Variants in DAB1 observed in about 807,000 individuals in gnomAD.
The protein encoded by DAB1 is disabled homolog 1.
Under a neutral mutation model 64.6 loss-of-function variants are expected in DAB1, and 15 were observed. That is an observed-to-expected ratio of 0.23 (90% CI 0.16 to 0.36). The LOEUF (loss-of-function observed/expected upper bound fraction) is 0.36, where lower values mean the gene tolerates loss of function less well. Ranked by LOEUF, DAB1 falls within the 10% of genes least tolerant of loss-of-function variation. DAB1 has a pLI of 1.00. For synonymous variants in DAB1, 235 were observed against 251.9 expected, an observed-to-expected ratio of 0.93 and a Z score of 0.64; for missense variants, 596 against 706.7, an observed-to-expected ratio of 0.84 and a Z score of 1.78.
At chr1:57,326,098 C>A (rs987762326) in intron 1 of DAB1, among the ~76,000 whole-genome samples, 11 of 152,224 alleles carry the variant, frequency 7.2e-5, no homozygotes, top group Non-Finnish European at 1.5e-5. Flanking sequence ...GTACTCCCTG[C>A]CCTCAAGGAG....
At chr1:58,232,087 C>T (rs1391545809) in intron 4 of DAB1, among the ~76,000 whole-genome samples, 3 of 152,190 alleles carry the variant, frequency 2.0e-5, no homozygotes, top group Admixed American at 6.5e-5. Context: ...CAGTCACTCA[C>T]GGCTTCTGAC....
intron 4 of DAB1, among the ~76,000 whole-genome samples, chr1:58,242,698 G>A (rs1660352162): frequency 6.6e-6 from 1 of 152,048 alleles, no homozygotes; most frequent in South Asian, 2.1e-4. Context: ...GGTCATTATT[G>A]AGTGAAGTCA....
intron 5 of DAB1, among the ~76,000 whole-genome samples, chr1:57,976,035 G>C (rs1645911405): frequency 6.6e-6 from 1 of 152,202 alleles, no homozygotes; most frequent in South Asian, 2.1e-4. Context: ...GGGCAAGTTG[G>C]TGCAAGGCAC....
intron 4 of DAB1, among the ~76,000 whole-genome samples, chr1:58,163,289 C>A (rs564331908): frequency 6.0e-4 from 92 of 152,198 alleles, no homozygotes; most frequent in African/African-American, 2.1e-3. Flanking sequence ...ATTGCAGGTC[C>A]GGTTCTCAGA....
intron 5 of DAB1, among the ~76,000 whole-genome samples, chr1:57,955,933 T>C (rs933735988): frequency 1.3e-5 from 2 of 152,108 alleles, no homozygotes; most frequent in Non-Finnish European, 2.9e-5. Context: ...GTTTGGTGGG[T>C]AGTAAAATGC....
intron 7 of DAB1, among the ~76,000 whole-genome samples, chr1:57,492,939 G>A (rs1428182674): frequency 6.6e-6 from 1 of 152,068 alleles, no homozygotes; most frequent in Non-Finnish European, 1.5e-5. Context: ...GGCATCTGCA[G>A]CACATTGTTC....
At chr1:57,940,058 A>G (rs1341849724) in intron 5 of DAB1, among the ~76,000 whole-genome samples, 1 of 152,252 alleles carries the variant, frequency 6.6e-6, no homozygotes, top group Non-Finnish European at 1.5e-5. Context: ...TGATAAGCAC[A>G]AATACTGAAA....
chr1:58,228,701 GC>G (rs1423994054), intron 4 of DAB1: 6 of 1,140,910 alleles, frequency 5.3e-6, no homozygotes, highest in African/African-American at 1.6e-5. Flanking sequence ...TCTTAGCCTT[GC>G]CCTGGGGTTC....
At chr1:57,422,148 TTTAATTTAATTGA>T (rs1237704716) in intron 1 of DAB1, among the ~76,000 whole-genome samples, 1 of 152,226 alleles carries the variant, frequency 6.6e-6, no homozygotes, top group Non-Finnish European at 1.5e-5. Context: ...GTAAGCCACC[TTTAATTTAATTGA>T]TATGATTACT....
At chr1:58,397,978 C>T (rs338922) in intron 3 of DAB1, among the ~76,000 whole-genome samples, 78,175 of 151,966 alleles carry the variant, frequency 0.51, 21,250 homozygotes, top group African/African-American at 0.7. Context: ...GAAGCCATTC[C>T]CTGTCTTCAT....
At chr1:58,003,027 T>C (rs1271573781) in intron 5 of DAB1, among the ~76,000 whole-genome samples, 1 of 152,168 alleles carries the variant, frequency 6.6e-6, no homozygotes, top group Non-Finnish European at 1.5e-5. Context: ...AATATGAATA[T>C]CATTAATAAA....
At chr1:57,545,823 C>G (rs1483863836) in intron 7 of DAB1, among the ~76,000 whole-genome samples, 1 of 152,192 alleles carries the variant, frequency 6.6e-6, no homozygotes, top group Non-Finnish European at 1.5e-5. Flanking sequence ...AAGACAGGTG[C>G]TCCACTTTTG....
chr1:57,725,758 C>CT (rs35572928), intron 6 of DAB1, among the ~76,000 whole-genome samples: 6,293 of 146,710 alleles, frequency 0.043, 312 homozygotes, highest in African/African-American at 0.12. Context: ...CTTTTCTTTT[C>CT]TTTTTTTTTT....
At chr1:57,893,181 G>C (rs939788383) in intron 5 of DAB1, among the ~76,000 whole-genome samples, 5 of 152,046 alleles carry the variant, frequency 3.3e-5, no homozygotes, top group African/African-American at 1.2e-4. Flanking sequence ...GTGCTCAAGA[G>C]AATATTATAT....
At chr1:57,946,618 A>G (rs1645187766) in intron 5 of DAB1, among the ~76,000 whole-genome samples, 1 of 152,148 alleles carries the variant, frequency 6.6e-6, no homozygotes, top group Non-Finnish European at 1.5e-5. Context: ...GCGGTCTGAT[A>G]TATATATTCC....
chr1:57,006,648 G>A (rs1473432096), intron 14 of DAB1, among the ~76,000 whole-genome samples: 1 of 152,142 alleles, frequency 6.6e-6, no homozygotes, highest in Non-Finnish European at 1.5e-5. Context: ...GTGGGACACT[G>A]TGCCCTCCAA....
chr1:57,528,637 GACACACACACACACACACACACACAC>G (rs372009576), intron 7 of DAB1, among the ~76,000 whole-genome samples: 1 of 22,132 alleles, frequency 4.5e-5, no homozygotes. Context: ...AAAGCAGCAG[GACACACACACACACACACACACACAC>G]ACACACACAC....
At chr1:58,014,536 C>T (rs1646712283) in intron 5 of DAB1, among the ~76,000 whole-genome samples, 1 of 152,122 alleles carries the variant, frequency 6.6e-6, no homozygotes, top group African/African-American at 2.4e-5. Context: ...GCCCTTGGGC[C>T]CTCGGTCTTC....
chr1:57,436,066 G>T (rs553231872), intron 7 of DAB1, among the ~76,000 whole-genome samples: 1 of 151,760 alleles, frequency 6.6e-6, no homozygotes, highest in African/African-American at 2.4e-5. Flanking sequence ...ACAGGCACCC[G>T]CCACCAAAGC....
Sources: gnomAD v4.1 joint callset for allele counts (sites outside exome capture counted in the v4.1 genomes callset) on GRCh38, gnomAD v4.1.1 for gene constraint, MANE v1.5 for transcripts, NCBI Gene and HGNC (gene_info 2026-07-23, HGNC 2026-07-21) for gene names.